Variants in SPNS3 observed in about 807,000 individuals in gnomAD.
SPNS3 encodes the protein SPNS lysolipid transporter 3, sphingosine-1-phosphate (putative).
In SPNS3, 51 loss-of-function variants were observed where a neutral mutation model predicts 54.4. The ratio of observed to expected loss-of-function variants is 0.94; its 90% CI spans 0.75 to 1.18. The LOEUF (loss-of-function observed/expected upper bound fraction) is 1.18. SPNS3 is among the 50% of genes most tolerant of loss of function. The pLI is 0.00. For missense variants in SPNS3, 669 were observed against 677.4 expected, an observed-to-expected ratio of 0.99 and a Z score of 0.14; for synonymous variants, 309 against 294.7, an observed-to-expected ratio of 1.05 and a Z score of -0.50.
intron 8 of SPNS3, among the ~76,000 whole-genome samples, chr17:4,464,824 C>A (rs1971635106): frequency 6.6e-6 from 1 of 152,088 alleles, no homozygotes; most frequent in South Asian, 2.1e-4. Flanking sequence ...GGATTACAGG[C>A]ATCCACCACT....
At chr17:4,451,450 T>C (rs925726499) in intron 7 of SPNS3, among the ~76,000 whole-genome samples, 1 of 151,962 alleles carries the variant, frequency 6.6e-6, no homozygotes, top group Admixed American at 6.6e-5. Flanking sequence ...ATTTAGAGAA[T>C]TCTCAGTCAT....
At chr17:4,440,593 C>G (rs552212019) in intron 2 of SPNS3, among the ~76,000 whole-genome samples, 2 of 152,114 alleles carry the variant, frequency 1.3e-5, no homozygotes, top group African/African-American at 4.8e-5. Flanking sequence ...AGCCTGTGGT[C>G]GGCCTGTGGT....
chr17:4,441,983 A>AGTGTGTGTGTATGTGTGT, intron 2 of SPNS3, among the ~76,000 whole-genome samples: 1 of 139,108 alleles, frequency 7.2e-6, no homozygotes, highest in East Asian at 2.1e-4. Flanking sequence ...CGGAGGGAGA[A>AGTGTGTGTGTATGTGTGT]GTGTGTGTGT....
intron 2 of SPNS3, among the ~76,000 whole-genome samples, chr17:4,442,012 G>GTGTGTGTGTGTGTGTT (rs1371122116): frequency 1.3e-5 from 2 of 151,782 alleles, no homozygotes; most frequent in African/African-American, 4.8e-5. Flanking sequence ...GTGTGTGTGT[G>GTGTGTGTGTGTGTGTT]TGTGTTTGGC....
intron 8 of SPNS3, among the ~76,000 whole-genome samples, chr17:4,463,920 A>G (rs1209726474): frequency 6.6e-6 from 1 of 152,216 alleles, no homozygotes; most frequent in Non-Finnish European, 1.5e-5. Flanking sequence ...CACCCAACTC[A>G]GGACATGCAG....
At chr17:4,475,178 C>CA (rs1281898128) in intron 8 of SPNS3, among the ~76,000 whole-genome samples, 4 of 152,160 alleles carry the variant, frequency 2.6e-5, no homozygotes, top group Admixed American at 6.6e-5. Flanking sequence ...TGGCAGAGGC[C>CA]AGGGGCTGAG....
At chr17:4,446,330 C>T in intron 4 of SPNS3, 131 bp downstream of exon 4, 1 of 1,000,888 alleles carries the variant, frequency 1.0e-6, no homozygotes, top group Non-Finnish European at 1.5e-6. Flanking sequence ...GCTACCCCTC[C>T]CTCACCATGT....
At chr17:4,445,954 A>G in intron 3 of SPNS3, 94 bp from the exon 4 acceptor site, 1 of 1,432,436 alleles carries the variant, frequency 7.0e-7, no homozygotes, top group East Asian at 2.3e-5. Context: ...GTCCTGTGTC[A>G]TGAGGTCCCC....
chr17:4,449,920 C>T (rs1470131109), intron 7 of SPNS3, among the ~76,000 whole-genome samples: 2 of 152,270 alleles, frequency 1.3e-5, no homozygotes, highest in Admixed American at 6.5e-5. Context: ...TGTCTGCTGC[C>T]CGGCTGGGCT....
intron 8 of SPNS3, among the ~76,000 whole-genome samples, chr17:4,472,079 G>A (rs952713542): frequency 5.3e-5 from 8 of 151,338 alleles, no homozygotes; most frequent in Non-Finnish European, 8.9e-5. Flanking sequence ...GGCTGGTCTC[G>A]AACTCCTGAC....
intron 8 of SPNS3, among the ~76,000 whole-genome samples, chr17:4,454,119 A>G (rs1161279156): frequency 6.6e-6 from 1 of 152,176 alleles, no homozygotes; most frequent in Non-Finnish European, 1.5e-5. Context: ...TCCTCACACC[A>G]GAATTCACGT....
At chr17:4,478,928 C>T (rs1972085044) in intron 9 of SPNS3, among the ~76,000 whole-genome samples, 2 of 152,148 alleles carry the variant, frequency 1.3e-5, no homozygotes, top group Admixed American at 1.3e-4. Flanking sequence ...ATTTTGACTC[C>T]CTGGGCTACT....
chr17:4,446,779 C>T (rs113013184), intron 4 of SPNS3, 117 bp from the exon 5 acceptor site: 11 of 908,806 alleles, frequency 1.2e-5, no homozygotes, highest in Middle Eastern at 3.1e-4. Context: ...CAGGTCTGAG[C>T]CTGCAGAGAG....
chr17:4,448,131 C>T, intron 5 of SPNS3, 24 bp from the exon 6 acceptor site: 3 of 1,560,446 alleles, frequency 1.9e-6, no homozygotes, highest in Non-Finnish European at 2.6e-6. Context: ...CGGCCCTGAG[C>T]TTCCTGGGCC....
intron 1 of SPNS3, among the ~76,000 whole-genome samples, chr17:4,436,911 T>C (rs1970730970): frequency 6.6e-6 from 1 of 152,170 alleles, no homozygotes; most frequent in Non-Finnish European, 1.5e-5. Context: ...GAATCACCAG[T>C]GTGGAGCTCT....
intron 8 of SPNS3, among the ~76,000 whole-genome samples, chr17:4,470,693 A>G (rs1391510108): frequency 6.6e-6 from 1 of 152,230 alleles, no homozygotes; most frequent in Non-Finnish European, 1.5e-5. Context: ...GATAATTCAT[A>G]TAAATAGAAT....
At chr17:4,451,465 G>A (rs1597314620) in intron 7 of SPNS3, among the ~76,000 whole-genome samples, 1 of 152,036 alleles carries the variant, frequency 6.6e-6, no homozygotes, top group Non-Finnish European at 1.5e-5. Flanking sequence ...AGTCATTTGT[G>A]CAAAGTGAGG....
Position 4,434,071 on chromosome 17 carries a change from C to G in SPNS3, c.104C>G (p.Thr35Ser). 1 of 1,611,824 alleles carries G rather than the reference C, an allele frequency of 6.2e-7. No individual in the cohort carries two copies. Among genetic ancestry groups the G allele is most frequent in the Non-Finnish European group, 8.5e-7 (1 of 1,179,158 alleles). ...GRQCPPPITPTSWSLPPWRAY... is the reference protein window; with the variant it reads ...GRQCPPPITPSSWSLPPWRAY... ...CAGTGTCCCCCTCCCATCACGCCCA[C>G]CTCCTGGAGCCTGCCCCCGTGGAGG... Residue 35 changes from threonine to serine, a missense_variant, in exon 1 of 12, where the codon ACC becomes AGC. Physicochemically the swap from Thr to Ser is moderately conservative, Grantham distance 58 (BLOSUM62 1). Transcript: ENST00000355530.
intron 2 of SPNS3, among the ~76,000 whole-genome samples, chr17:4,440,030 C>T (rs546503616): frequency 3.5e-4 from 53 of 152,246 alleles, no homozygotes; most frequent in African/African-American, 1.2e-3. Flanking sequence ...TGAGGCTCAG[C>T]GGTGCACCAG....
Sources: gnomAD v4.1 joint callset for allele counts (sites outside exome capture counted in the v4.1 genomes callset) on GRCh38, gnomAD v4.1.1 for gene constraint, MANE v1.5 for transcripts, NCBI Gene and HGNC (gene_info 2026-07-23, HGNC 2026-07-21) for gene names.